RASAL2: variants seen among roughly 807,000 people sequenced by gnomAD.
RASAL2 encodes the protein RAS protein activator like 2.
Under a neutral mutation model 128.9 loss-of-function variants are expected in RASAL2, and 58 were observed. The observed-to-expected ratio is 0.45, with a 90% confidence interval of 0.36 to 0.56. The LOEUF (loss-of-function observed/expected upper bound fraction) is 0.56. RASAL2 is among the 20% of genes least tolerant of loss of function. RASAL2 has a pLI of 0.00. For synonymous variants in RASAL2, 561 were observed against 580.8 expected (o/e 0.97, Z 0.49); for missense variants, 1,360 against 1,601.6 (o/e 0.85, Z 2.57).
At chr1:178,412,040 G>T in intron 4 of RASAL2, 1 of 361,474 alleles carries the variant, frequency 2.8e-6, no homozygotes, top group South Asian at 4.2e-5. Flanking sequence ...AATACTTTCT[G>T]AAAATAAATT....
At chr1:178,389,618 G>A (rs1375420281) in intron 3 of RASAL2, among the ~76,000 whole-genome samples, 2 of 152,122 alleles carry the variant, frequency 1.3e-5, no homozygotes. Flanking sequence ...TCTTCTCATG[G>A]CCCTTTTGTT....
intron 1 of RASAL2, among the ~76,000 whole-genome samples, chr1:178,098,461 A>G (rs990312006): frequency 2.6e-5 from 4 of 152,374 alleles, no homozygotes; most frequent in Non-Finnish European, 5.9e-5. Flanking sequence ...TGGCAAAGCC[A>G]GCCTCACTGT....
chr1:178,283,815 T>G (rs1666899158), intron 2 of RASAL2, 124 bp downstream of exon 2: 31 of 1,209,834 alleles, frequency 2.6e-5, no homozygotes, highest in Non-Finnish European at 3.4e-5. Context: ...AAGATATAGG[T>G]AAGTCTAAAA....
At chr1:178,248,954 C>G (rs1348253971) in intron 1 of RASAL2, among the ~76,000 whole-genome samples, 1 of 152,230 alleles carries the variant, frequency 6.6e-6, no homozygotes, top group Non-Finnish European at 1.5e-5. Context: ...TGACCTTTCT[C>G]TCTGGCTGCC....
At chr1:178,420,426 T>C (rs1249480568) in intron 4 of RASAL2, 85 bp from the exon 5 acceptor site, 2 of 807,296 alleles carry the variant, frequency 2.5e-6, no homozygotes, top group Admixed American at 5.7e-5. Context: ...ATTGTAAAAG[T>C]CTAAATACCT....
At chr1:178,177,905 T>C (rs1486609550) in intron 1 of RASAL2, among the ~76,000 whole-genome samples, 2 of 152,252 alleles carry the variant, frequency 1.3e-5, no homozygotes, top group African/African-American at 2.4e-5. Flanking sequence ...ATTACAATTA[T>C]GTTTTAGACT....
At chr1:178,136,682 G>T (rs1660334686) in intron 1 of RASAL2, among the ~76,000 whole-genome samples, 1 of 133,218 alleles carries the variant, frequency 7.5e-6, no homozygotes, top group African/African-American at 2.8e-5. Flanking sequence ...CCTTGAACCT[G>T]TTGTGGGGAG....
chr1:178,240,472 T>C lies in RASAL2; in HGVS notation c.203-43092T>C, dbSNP rs189844231. On this transcript the variant is annotated intron_variant, in intron 1 of 17. Transcript: ENST00000367649. ...CATTTTCTTATTTTTATCCAGTTTTTTTTTCTTAGCCTTAGACTTTATTTT... is the reference window on the plus strand; with the variant it reads ...CATTTTCTTATTTTTATCCAGTTTTCTTTTCTTAGCCTTAGACTTTATTTT... Among the ~76,000 whole-genome samples the C allele has an allele frequency of 8.5e-5, 13 of 152,098 alleles. No individual in the cohort carries two copies. The East Asian group carries it at 2.1e-3, about 25-fold the overall frequency.
chr1:178,240,993 G>A (rs1161311355), intron 1 of RASAL2, among the ~76,000 whole-genome samples: 1 of 151,514 alleles, frequency 6.6e-6, no homozygotes, highest in Non-Finnish European at 1.5e-5. Flanking sequence ...GTATCCTACT[G>A]TCACATTGTT....
intron 1 of RASAL2, among the ~76,000 whole-genome samples, chr1:178,172,331 A>G (rs1661731964): frequency 6.6e-6 from 1 of 151,330 alleles, no homozygotes; most frequent in African/African-American, 2.4e-5. Flanking sequence ...TGGTCTCAGT[A>G]GAGAAGCTGG....
intron 16 of RASAL2, among the ~76,000 whole-genome samples, chr1:178,467,087 A>C (rs2102950970): frequency 6.6e-6 from 1 of 152,314 alleles, no homozygotes; most frequent in African/African-American, 2.4e-5. Flanking sequence ...CTCAGGAAGG[A>C]ATCTGAGAGA....
chr1:178,095,647 GT>G (rs1323067783), intron 1 of RASAL2, among the ~76,000 whole-genome samples: 1 of 152,266 alleles, frequency 6.6e-6, no homozygotes, highest in Admixed American at 6.5e-5. Context: ...AGTACCTTAT[GT>G]TTTTTTCTTT....
chr1:178,150,827 G>A (rs1007718156), intron 1 of RASAL2, among the ~76,000 whole-genome samples: 3 of 152,066 alleles, frequency 2.0e-5, no homozygotes, highest in Non-Finnish European at 4.4e-5. Flanking sequence ...TCCCAGATGA[G>A]GTGGGAAAAA....
intron 1 of RASAL2, among the ~76,000 whole-genome samples, chr1:178,152,914 T>C (rs1660962157): frequency 6.6e-6 from 1 of 152,198 alleles, no homozygotes; most frequent in African/African-American, 2.4e-5. Flanking sequence ...TAAAAGATAA[T>C]CTATATATCA....
At chr1:178,237,011 G>T (rs1414366198) in intron 1 of RASAL2, among the ~76,000 whole-genome samples, 1 of 151,996 alleles carries the variant, frequency 6.6e-6, no homozygotes, top group East Asian at 1.9e-4. Context: ...TGATCCACCC[G>T]CCTCAGCCTC....
chr1:178,105,753 G>A (rs774662900), intron 1 of RASAL2, among the ~76,000 whole-genome samples: 4 of 151,264 alleles, frequency 2.6e-5, no homozygotes, highest in African/African-American at 4.9e-5. Flanking sequence ...CTCTATCTTG[G>A]CTCACTGTAG....
chr1:178,304,430 G>A (rs971440695), intron 3 of RASAL2, among the ~76,000 whole-genome samples: 2 of 152,142 alleles, frequency 1.3e-5, no homozygotes, highest in African/African-American at 4.8e-5. Flanking sequence ...GGCTAAAGTG[G>A]GAGGATCTCT....
At chr1:178,267,241 C>T (rs148509894) in intron 1 of RASAL2, among the ~76,000 whole-genome samples, 2 of 152,282 alleles carry the variant, frequency 1.3e-5, no homozygotes, top group African/African-American at 4.8e-5. Context: ...TCGGCATTTA[C>T]ATATCTCTCT....
intron 16 of RASAL2, among the ~76,000 whole-genome samples, chr1:178,466,557 T>A (rs1647722104): frequency 6.6e-6 from 1 of 152,220 alleles, no homozygotes; most frequent in African/African-American, 2.4e-5. Flanking sequence ...ACCAAACACT[T>A]GTATAGCACT....
Sources: allele counts gnomAD v4.1 joint callset (sites outside exome capture counted in the v4.1 genomes callset), GRCh38; gene constraint gnomAD v4.1.1; transcripts MANE v1.5; gene names NCBI Gene and HGNC (gene_info 2026-07-23, HGNC 2026-07-21).